TOGARAM1: variants seen among roughly 807,000 people sequenced by gnomAD.
TOGARAM1 encodes TOG array regulator of axonemal microtubules protein 1.
In TOGARAM1, 100 loss-of-function variants were observed where a neutral mutation model predicts 166.6. The ratio of observed to expected loss-of-function variants is 0.60; its 90% CI spans 0.51 to 0.71. The LOEUF (loss-of-function observed/expected upper bound fraction) is 0.71, where lower values mean the gene tolerates loss of function less well. Ranked by LOEUF, TOGARAM1 falls within the 30% of genes least tolerant of loss-of-function variation. TOGARAM1 has a pLI of 0.00. For synonymous variants in TOGARAM1, 758 were observed against 763.8 expected (o/e 0.99, Z 0.13); for missense variants, 2,029 against 2,102.7 (o/e 0.96, Z 0.69).
At chr14:45,005,934 A>T in intron 4 of TOGARAM1, 74 bp from the exon 5 acceptor site, 1 of 1,293,314 alleles carries the variant, frequency 7.7e-7, no homozygotes, top group Non-Finnish European at 1.0e-6. Context: ...ATTGTATTTT[A>T]AGCACTTGTG....
At position 45,008,901 on chromosome 14, in the gene TOGARAM1, A is replaced by AT; in HGVS notation, c.2905-6dup. On this transcript the variant is annotated splice_polypyrimidine_tract_variant and intron_variant, in intron 5 of 19. Coordinates refer to ENST00000361462, the MANE Select transcript of TOGARAM1 (RefSeq NM_001308120.2). ...TTATGTTATAAAGTTTATTGTTTTC[A>AT]TTTTTTCTTAGATGCATAGCTCTCT... 6.3e-7 allele frequency: 1 copy of AT among 1,582,726 alleles called. No homozygotes were observed. The highest frequency in any genetic ancestry group is 8.6e-7 in the Non-Finnish European group (1 of 1,166,482).
At chr14:44,997,971 A>G (rs1431585706) in intron 2 of TOGARAM1, among the ~76,000 whole-genome samples, 2 of 152,256 alleles carry the variant, frequency 1.3e-5, no homozygotes, top group Admixed American at 6.5e-5. Context: ...AGATTTGACT[A>G]TGTTATAGAT....
chr14:45,049,168 C>A (rs941956404), intron 14 of TOGARAM1, among the ~76,000 whole-genome samples: 15 of 150,026 alleles, frequency 1.0e-4, no homozygotes, highest in African/African-American at 3.7e-4. Flanking sequence ...TCTTTGCATG[C>A]AACCCTCCTC....
intron 8 of TOGARAM1, 151 bp from the exon 9 acceptor site, chr14:45,027,148 A>C: frequency 1.5e-6 from 1 of 684,354 alleles, no homozygotes; most frequent in Non-Finnish European, 2.4e-6. Flanking sequence ...CTATTAGGGT[A>C]TTTGTTTTTA....
intron 6 of TOGARAM1, 96 bp downstream of exon 6, chr14:45,009,241 T>A: frequency 2.3e-6 from 2 of 888,180 alleles, no homozygotes; most frequent in South Asian, 3.6e-5. Context: ...ACCATTTATG[T>A]TTTAGTTTTT....
Position 45,009,048 on chromosome 14 carries a change from T to G in TOGARAM1, c.3040T>G (p.Ser1014Ala). Residue 1014 changes from serine to alanine, a missense_variant, in exon 6 of 20, where the codon TCC (serine) becomes GCC (alanine). Physicochemically the swap from Ser to Ala is moderately conservative, Grantham distance 99 (BLOSUM62 1). Transcript: ENST00000361462. ...GACGATGGACTCCCCGTCTCTGTCT[T>G]CCTCACCAAACATCAATTCTTACAG... The part of the protein sequence containing the change: ...DLTMDSPSLS[S>A]SPNINSYSES... 2 of 1,614,122 alleles carry G rather than the reference T, an allele frequency of 1.2e-6. No individual in the cohort carries two copies. The highest frequency in any genetic ancestry group is 2.2e-5 in the South Asian group (2 of 91,084).
At position 44,999,447 on chromosome 14, in the gene TOGARAM1, T is replaced by A; in HGVS notation, c.2288T>A (p.Val763Glu). 6.2e-7 allele frequency: 1 copy of A among 1,612,928 alleles called. No individual in the cohort carries two copies. Among genetic ancestry groups the A allele is most frequent in the Non-Finnish European group, 8.5e-7 (1 of 1,179,324 alleles). Residue 763 changes from valine to glutamate, a missense_variant, in exon 3 of 20, where the codon GTG becomes GAG. Coordinates refer to ENST00000361462, the MANE Select transcript of TOGARAM1 (RefSeq NM_001308120.2). ...CAAATATGTGGTAAAACTGGCAGTG[T>A]GGGTTCTGACTTACAATTCCTAGGG... ...FSQICGKTGS[V>E]GSDLQFLGTT... is the part of the protein sequence containing the mutation.
chr14:44,973,276 C>G (rs1321553074), intron 1 of TOGARAM1, among the ~76,000 whole-genome samples: 1 of 151,526 alleles, frequency 6.6e-6, no homozygotes, highest in Non-Finnish European at 1.5e-5. Context: ...AGTAGTTTCC[C>G]TAGAGTGTGT....
At chr14:45,024,690 T>C (rs1880723961) in intron 7 of TOGARAM1, among the ~76,000 whole-genome samples, 1 of 152,218 alleles carries the variant, frequency 6.6e-6, no homozygotes, top group Admixed American at 6.5e-5. Context: ...AACCCGTGTT[T>C]CTGTTAGTTG....
chr14:45,051,591 A>C, intron 14 of TOGARAM1, among the ~76,000 whole-genome samples: 2 of 120,254 alleles, frequency 1.7e-5, no homozygotes, highest in Admixed American at 1.2e-4. Context: ...ACGCAGTCTC[A>C]CTCTGTTGCC....
intron 15 of TOGARAM1, among the ~76,000 whole-genome samples, chr14:45,053,488 A>T (rs1360287745): frequency 2.0e-5 from 3 of 152,116 alleles, no homozygotes; most frequent in East Asian, 3.8e-4. Flanking sequence ...ATAAAGTAAA[A>T]TTTTTCTATT....
rs547633028 is a variant in TOGARAM1, at chr14:44,973,796, T to G, written c.2046+9329T>G. 2.5e-4 allele frequency among the ~76,000 whole-genome samples: 37 copies of G among 147,376 alleles called. No individual in the cohort carries two copies. In the East Asian group the frequency reaches 3.9e-3, roughly 16 times the overall value. ...GGGTATAGACTTCTAAATTGATGGG[T>G]TTTTTTTTTCTCTCAATACTTTAAA... is the stretch of plus-strand genomic sequence containing the variant. On this transcript the variant is annotated intron_variant, in intron 1 of 19. Coordinates refer to ENST00000361462, the MANE Select transcript of TOGARAM1 (RefSeq NM_001308120.2).
rs1885245777 is a variant in TOGARAM1, at chr14:44,962,784, G to T, written c.363G>T (p.Pro121=). The T allele has an allele frequency of 6.2e-7, 1 of 1,612,462 alleles. No homozygotes were observed. The change falls in exon 1 of 20, where the codon CCG becomes CCT. Residue 121 remains proline, a synonymous_variant. Coordinates refer to ENST00000361462, the MANE Select transcript of TOGARAM1 (RefSeq NM_001308120.2). ...TCCAGGCTTTGCAAGCTGCTTTGCC[G>T]CGGCGGGGCGGTCGACTTGGCTTCC... The part of the protein sequence containing the change: ...EAFQALQAAL[P]RRGGRLGFPR...
intron 1 of TOGARAM1, among the ~76,000 whole-genome samples, chr14:44,994,856 A>C (rs183381213): frequency 6.6e-6 from 1 of 152,344 alleles, no homozygotes; most frequent in East Asian, 1.9e-4. Flanking sequence ...TTATTTTGCC[A>C]TTTGATAATT....
intron 1 of TOGARAM1, among the ~76,000 whole-genome samples, chr14:44,987,249 T>A (rs1886871628): frequency 6.6e-6 from 1 of 151,788 alleles, no homozygotes; most frequent in Non-Finnish European, 1.5e-5. Flanking sequence ...ATAACATTTT[T>A]TTTTCTTAAA....
In TOGARAM1 at chr14:45,046,635, A is replaced by G. The variant is rs74907291; in HGVS notation, c.4245A>G (p.Ala1415=). 58,875 of 1,413,352 alleles carry G rather than the reference A, an allele frequency of 0.042. 1,862 individuals carry two copies. The highest frequency in any genetic ancestry group is 0.15 in the East Asian group (5,395 of 36,712). 87.6% of individuals were successfully genotyped at this position (1,413,352 alleles called of 1,614,324 possible). A position where few individuals can be genotyped will look rare whatever the true frequency, so the allele number is the denominator to read the frequency against. ...AACCAGAACGTATTTTATCTGCAGC[A>G]AAGGATATGGCTGAACGCATATTAC... ...FMEPERILSA[A]KDMAERILPA... is the part of the protein sequence containing the mutation. Residue 1415 remains alanine, a synonymous_variant, in exon 14 of 20, where the codon GCA becomes GCG. Coordinates refer to ENST00000361462, the MANE Select transcript of TOGARAM1 (RefSeq NM_001308120.2).
intron 7 of TOGARAM1, among the ~76,000 whole-genome samples, chr14:45,019,949 T>A (rs777247661): frequency 4.6e-5 from 7 of 152,168 alleles, no homozygotes; most frequent in Non-Finnish European, 1.0e-4. Context: ...TTCAGTGTCA[T>A]CAACATCAGA....
In TOGARAM1 at chr14:45,052,328, T is replaced by C. The variant is rs549302165; in HGVS notation, c.4314-108T>C. 13 of 820,922 alleles carry C rather than the reference T, an allele frequency of 1.6e-5. No individual in the cohort carries two copies. In the East Asian group the frequency reaches 2.8e-4, roughly 18 times the overall value. 50.9% of individuals were successfully genotyped at this position (820,922 alleles called of 1,614,324 possible). ...GTTATTTAATATAGGGATGGTAATCTTGATGTTTGATAGGTGTTTTTTTTC... is the reference window on the plus strand; with the variant it reads ...GTTATTTAATATAGGGATGGTAATCCTGATGTTTGATAGGTGTTTTTTTTC... On this transcript the variant is annotated intron_variant, in intron 14 of 19. Coordinates refer to ENST00000361462, the MANE Select transcript of TOGARAM1 (RefSeq NM_001308120.2).
chr14:45,042,545 G>C (rs77876664), intron 11 of TOGARAM1, among the ~76,000 whole-genome samples: 3,161 of 151,848 alleles, frequency 0.021, 117 homozygotes, highest in African/African-American at 0.072. Context: ...AATTTAAGGA[G>C]AAATACACAA....
Sources: gnomAD v4.1 joint callset for allele counts (sites outside exome capture counted in the v4.1 genomes callset) on GRCh38, gnomAD v4.1.1 for gene constraint, MANE v1.5 for transcripts, NCBI Gene and HGNC (gene_info 2026-07-23, HGNC 2026-07-21) for gene names.